ETV7: variants seen among roughly 807,000 people sequenced by gnomAD.
ETV7 encodes the protein ETS variant transcription factor 7.
Under a neutral mutation model 39.1 loss-of-function variants are expected in ETV7, and 43 were observed. That is an observed-to-expected ratio of 1.10 (90% confidence interval 0.86 to 1.42). The LOEUF is 1.42. Among genes scored for constraint, ETV7 ranks in the 40% most tolerant of loss-of-function variants. ETV7 has a pLI of 0.00. For missense variants in ETV7, 432 were observed against 442.3 expected, an observed-to-expected ratio of 0.98 and a Z score of 0.21; for synonymous variants, 196 against 176.6, an observed-to-expected ratio of 1.11 and a Z score of -0.87.
exon 8 of ETV7, chr6:36,354,399 T>C (rs1772286698): frequency 2.9e-6 from 1 of 341,560 alleles, no homozygotes; most frequent in Non-Finnish European, 5.3e-6. Context: ...CTTACGTTTA[T>C]GTCTTTGACA....
intron 2 of ETV7, among the ~76,000 whole-genome samples, chr6:36,380,403 G>C (rs1773594165): frequency 6.6e-6 from 1 of 152,230 alleles, no homozygotes; most frequent in Non-Finnish European, 1.5e-5. Context: ...TCCCGGCCCA[G>C]TGGCCTGCTA....
chr6:36,382,919 G>A (rs1391434328), intron 2 of ETV7, among the ~76,000 whole-genome samples: 1 of 152,176 alleles, frequency 6.6e-6, no homozygotes, highest in Non-Finnish European at 1.5e-5. Flanking sequence ...TAAGAGTCCT[G>A]GGTTGGAGGC....
downstream of ETV7, chr6:36,366,094 A>G (rs1474284281): frequency 7.0e-6 from 5 of 712,622 alleles, no homozygotes; most frequent in African/African-American, 7.7e-5. Flanking sequence ...GAATCTCTTG[A>G]ACCCAGGAGG....
chr6:36,372,216 C>T (rs1301208446), intron 4 of ETV7, among the ~76,000 whole-genome samples: 2 of 152,138 alleles, frequency 1.3e-5, no homozygotes, highest in East Asian at 3.9e-4. Context: ...GAGGGGATGC[C>T]AGGCAGAGGG....
At chr6:36,375,736 T>A (rs761560157) in intron 3 of ETV7, 135 bp downstream of exon 3, 2 of 1,397,824 alleles carry the variant, frequency 1.4e-6, no homozygotes, top group Non-Finnish European at 9.9e-7. Flanking sequence ...CAGAGGGGCA[T>A]CTGCAGTGCT....
At chr6:36,362,001 A>G (rs866335803), downstream of ETV7, among the ~76,000 whole-genome samples, 8 of 152,124 alleles carry the variant, frequency 5.3e-5, no homozygotes, top group South Asian at 1.5e-3. Flanking sequence ...CTAAAAATAC[A>G]AAAGTTAGCT....
downstream of ETV7, among the ~76,000 whole-genome samples, chr6:36,364,535 C>T (rs539340077): frequency 2.6e-5 from 4 of 152,384 alleles, no homozygotes; most frequent in Non-Finnish European, 4.4e-5. Flanking sequence ...GTGCGGGACC[C>T]GCCAAGCCCA....
chr6:36,387,266 G>A (rs1009745497), intron 1 of ETV7, among the ~76,000 whole-genome samples: 2 of 152,214 alleles, frequency 1.3e-5, no homozygotes, highest in Non-Finnish European at 2.9e-5. Context: ...CCAGTGGTAA[G>A]GGGGCTGCGG....
downstream of ETV7, among the ~76,000 whole-genome samples, chr6:36,365,671 G>A (rs1450051527): frequency 6.6e-6 from 1 of 152,190 alleles, no homozygotes; most frequent in East Asian, 1.9e-4. Flanking sequence ...GAGCAGAGAG[G>A]TGGGGCCGGG....
At chr6:36,364,231 C>A (rs1216234843), downstream of ETV7, among the ~76,000 whole-genome samples, 6 of 152,370 alleles carry the variant, frequency 3.9e-5, no homozygotes, top group Middle Eastern at 0.017. Context: ...CGTGAGCCCG[C>A]ACTCCTCAGC....
Position 36,373,540 on chromosome 6 carries a change from G to A in ETV7, c.346C>T (p.Gln116Ter). 1 of 1,541,536 alleles carries A rather than the reference G, an allele frequency of 6.5e-7. No homozygotes were observed. Among genetic ancestry groups the A allele is most frequent in the Non-Finnish European group, 8.7e-7 (1 of 1,143,998 alleles). Reference sequence around the variant, plus strand: ...GGCCCACACACCAGGGCTCGCCGCTGGGTCTTGATGTACTGGAGCAGCTCA... The same window carrying A: ...GGCCCACACACCAGGGCTCGCCGCTAGGTCTTGATGTACTGGAGCAGCTCA... ...LYELLQYIKT[Q>*]RRALVCGPFF... is the part of the protein sequence containing the mutation. Residue 116 changes from glutamine to a stop codon, truncating the protein, a stop_gained, in exon 4 of 8, where the codon CAG (glutamine) becomes TAG (stop). Transcript: ENST00000340181. LOFTEE classifies it high-confidence loss of function.
rs200991715 is a variant in ETV7, at chr6:36,375,898, C to T, written c.280G>A (p.Asp94Asn). 250 of 1,614,062 alleles carry T rather than the reference C, an allele frequency of 1.5e-4. No homozygotes were observed. The highest frequency in any genetic ancestry group is 1.6e-4 in the Middle Eastern group (1 of 6,062). Residue 94 changes from aspartate (D) to asparagine (N), a missense_variant, in exon 3 of 8, where the codon GAC becomes AAC. Coordinates refer to ENST00000340181, the MANE Select transcript of ETV7 (RefSeq NM_016135.4). ...GRALCILTKD[D>N]FRHRAPSSGD... ...GAGCTGGGCGCACGGTGCCGGAAGT[C>T]GTCCTTGGTGAGGATGCAGAGGGCG...
chr6:36,386,077 C>T (rs1462785949), intron 1 of ETV7, among the ~76,000 whole-genome samples: 2 of 152,180 alleles, frequency 1.3e-5, no homozygotes, highest in Non-Finnish European at 2.9e-5. Context: ...CCTATAATCT[C>T]AACACTTTGG....
intron 7 of ETV7, among the ~76,000 whole-genome samples, chr6:36,360,961 T>C (rs1190072760): frequency 4.6e-5 from 7 of 152,246 alleles, no homozygotes; most frequent in Non-Finnish European, 8.8e-5. Context: ...CATCTCTCCC[T>C]GGGGACTGCA....
At chr6:36,387,048 T>G in intron 1 of ETV7, 9 of 213,444 alleles carry the variant, frequency 4.2e-5, no homozygotes, top group Non-Finnish European at 6.7e-5. Flanking sequence ...TGATAATGGG[T>G]ATGGGTCCTG....
downstream of ETV7, among the ~76,000 whole-genome samples, chr6:36,364,506 G>T (rs966231550): frequency 6.6e-6 from 1 of 152,266 alleles, no homozygotes; most frequent in African/African-American, 2.4e-5. Flanking sequence ...GGGCTGGCAG[G>T]GCCGGCCGGC....
chr6:36,373,559 C>T lies in ETV7; in HGVS notation c.327G>A (p.Leu109=), dbSNP rs759925966. The T allele has an allele frequency of 1.1e-5, 17 of 1,512,022 alleles. No individual in the cohort carries two copies. Among genetic ancestry groups the T allele is most frequent in the Admixed American group, 2.2e-5 (1 of 44,552 alleles). The allele number at this position is 1,512,022 out of a possible 1,614,324, so 93.7% of individuals were successfully genotyped here. Residue 109 remains leucine, a synonymous_variant, in exon 4 of 8, where the codon CTG becomes CTA. Coordinates refer to ENST00000340181, the MANE Select transcript of ETV7 (RefSeq NM_016135.4). ...APSSGDVLYE[L]LQYIKTQRRA... is the part of the protein sequence containing the mutation. ...GCCGCTGGGTCTTGATGTACTGGAG[C>T]AGCTCATACAGGACGTCACCTGGAG...
At position 36,375,944 on chromosome 6, in the gene ETV7, G is replaced by A. The variant is rs2234075; in HGVS notation, c.234C>T (p.His78=). The A allele has an allele frequency of 0.037, 60,485 of 1,613,672 alleles. 1,376 individuals carry two copies. Among genetic ancestry groups the A allele is most frequent in the Middle Eastern group, 0.074 (450 of 6,058 alleles). Residue 78 remains histidine, a synonymous_variant, in exon 3 of 8, where the codon CAC becomes CAT. Coordinates refer to ENST00000340181, the MANE Select transcript of ETV7 (RefSeq NM_016135.4). ...QEYSLPCTAE[H]GFEMNGRALC... The stretch of plus-strand genomic sequence containing the variant: ...GGGCGCGTCCGTTCATCTCGAACCC[G>A]TGCTCCGCGGTGCATGGCAGAGAGT...
At chr6:36,367,553 TG>T (rs1369998713) in intron 6 of ETV7, among the ~76,000 whole-genome samples, 10 of 152,312 alleles carry the variant, frequency 6.6e-5, no homozygotes, top group African/African-American at 2.2e-4. Context: ...GGGAGTGAAC[TG>T]CATGTTACTT....
Sources: gnomAD v4.1 joint callset for allele counts (sites outside exome capture counted in the v4.1 genomes callset) on GRCh38, gnomAD v4.1.1 for gene constraint, MANE v1.5 for transcripts, NCBI Gene and HGNC (gene_info 2026-07-23, HGNC 2026-07-21) for gene names.